ENTPD1: variants seen among roughly 807,000 people sequenced by gnomAD.
The protein encoded by ENTPD1 is ATP diphosphohydrolase.
Under a neutral mutation model 57.0 loss-of-function variants are expected in ENTPD1, and 33 were observed. The ratio of observed to expected loss-of-function variants is 0.58; its 90% CI spans 0.44 to 0.77. ENTPD1 has a LOEUF of 0.77. ENTPD1 is among the 30% of genes least tolerant of loss of function. The probability of loss-of-function intolerance (pLI) is 0.00; values close to 1 mark genes in which losing one functional copy is unlikely to be tolerated. For synonymous variants in ENTPD1, 202 were observed against 218.8 expected (o/e 0.92, Z 0.68); for missense variants, 501 against 603.4 (o/e 0.83, Z 1.78).
chr10:95,714,587 A>G (rs909113979), intron 1 of ENTPD1, among the ~76,000 whole-genome samples: 1 of 152,202 alleles, frequency 6.6e-6, no homozygotes, highest in Non-Finnish European at 1.5e-5. Context: ...ATTATGTTGA[A>G]AAATAGAATA....
chr10:95,806,220 T>A (rs2140383092), intron 1 of ENTPD1, among the ~76,000 whole-genome samples: 1 of 152,304 alleles, frequency 6.6e-6, no homozygotes, highest in South Asian at 2.1e-4. Context: ...AAACTTCTCT[T>A]CTCACTTTAT....
In ENTPD1 at chr10:95,874,604, T is replaced by G. The variant is rs1349032152; in HGVS notation, c.*8221T>G. Among the ~76,000 whole-genome samples, 2 of 152,210 alleles carry G rather than the reference T, an allele frequency of 1.3e-5. No individual in the cohort carries two copies. The highest frequency in any genetic ancestry group is 4.8e-5 in the African/African-American group (2 of 41,446). On this transcript the variant is annotated 3_prime_UTR_variant, in exon 10 of 10. Transcript: ENST00000371205. The stretch of plus-strand genomic sequence containing the variant: ...GGTCTACCGTTCTGGGACTGTGGCC[T>G]TCTTCTCACAGCTCCACTAGGCAGT...
At chr10:95,729,917 T>C (rs924434902) in intron 1 of ENTPD1, among the ~76,000 whole-genome samples, 2 of 152,354 alleles carry the variant, frequency 1.3e-5, no homozygotes, top group African/African-American at 4.8e-5. Context: ...AACTTAGTGA[T>C]ATCCCGATTC....
chr10:95,801,410 T>A (rs555454473), intron 1 of ENTPD1, among the ~76,000 whole-genome samples: 1 of 152,172 alleles, frequency 6.6e-6, no homozygotes, highest in Non-Finnish European at 1.5e-5. Flanking sequence ...TTCAGTCTTA[T>A]GCATATGTCT....
chr10:95,806,780 TC>T (rs1213520696), intron 1 of ENTPD1, among the ~76,000 whole-genome samples: 1 of 151,888 alleles, frequency 6.6e-6, no homozygotes, highest in Non-Finnish European at 1.5e-5. Context: ...TTGCTGGAGG[TC>T]CACTCCAGAC....
chr10:95,757,839 T>C (rs1022540442), intron 1 of ENTPD1, among the ~76,000 whole-genome samples: 7 of 151,564 alleles, frequency 4.6e-5, no homozygotes, highest in African/African-American at 1.5e-4. Flanking sequence ...ACCCTGTCTC[T>C]ACTAAAAATA....
At chr10:95,696,952 T>TAC in the ENTPD1 span, among the ~76,000 whole-genome samples, 1 of 152,180 alleles carries the variant, frequency 6.6e-6, no homozygotes, top group Non-Finnish European at 1.5e-5. Context: ...AAAACTTAGA[T>TAC]ACACACACAC....
chr10:95,868,274 G>A lies in ENTPD1; in HGVS notation c.*1891G>A, dbSNP rs2141017769. Reference sequence around the variant, plus strand: ...CAGGCTGTCTCCTCATAACTTCCAAGCATGCACTTAAAACTCCACATGAAT... The same window carrying A: ...CAGGCTGTCTCCTCATAACTTCCAAACATGCACTTAAAACTCCACATGAAT... On this transcript the variant is annotated 3_prime_UTR_variant, in exon 10 of 10. Transcript: ENST00000371205. The A allele has an allele frequency of 3.0e-6, 3 of 985,376 alleles. No homozygotes were observed. Among genetic ancestry groups the A allele is most frequent in the Middle Eastern group, 5.2e-4 (1 of 1,916 alleles). 61.0% of individuals were successfully genotyped at this position (985,376 alleles called of 1,614,324 possible).
At chr10:95,725,240 A>G (rs1169703483) in intron 1 of ENTPD1, among the ~76,000 whole-genome samples, 1 of 151,828 alleles carries the variant, frequency 6.6e-6, no homozygotes, top group Non-Finnish European at 1.5e-5. Flanking sequence ...GATATTTCCT[A>G]TTGCTGAATC....
At chr10:95,842,305 T>C in intron 3 of ENTPD1, 39 bp from the exon 4 acceptor site, 1 of 1,575,292 alleles carries the variant, frequency 6.3e-7, no homozygotes, top group Non-Finnish European at 8.7e-7. Flanking sequence ...TTTTATAATT[T>C]TTTTTTAAAA....
intron 1 of ENTPD1, among the ~76,000 whole-genome samples, chr10:95,721,341 G>A (rs1350426884): frequency 2.0e-5 from 3 of 152,172 alleles, no homozygotes; most frequent in Non-Finnish European, 4.4e-5. Context: ...CTGCCTGCTG[G>A]CCTGTGGGGA....
At chr10:95,817,872 A>C (rs1459806628) in intron 1 of ENTPD1, among the ~76,000 whole-genome samples, 1 of 152,196 alleles carries the variant, frequency 6.6e-6, no homozygotes, top group Non-Finnish European at 1.5e-5. Context: ...ACTTTGGGTT[A>C]TTGCTGTAGC....
At chr10:95,805,150 T>G (rs2098266882) in intron 1 of ENTPD1, among the ~76,000 whole-genome samples, 1 of 152,186 alleles carries the variant, frequency 6.6e-6, no homozygotes, top group East Asian at 1.9e-4. Context: ...CTCTAAGGAC[T>G]TGCTTTATGA....
At chr10:95,761,722 A>G (rs1372981935) in intron 1 of ENTPD1, among the ~76,000 whole-genome samples, 1 of 152,208 alleles carries the variant, frequency 6.6e-6, no homozygotes, top group Non-Finnish European at 1.5e-5. Flanking sequence ...GATTTCCTGC[A>G]TGTCTCCACC....
intron 1 of ENTPD1, among the ~76,000 whole-genome samples, chr10:95,776,186 G>A (rs1224636069): frequency 2.0e-5 from 3 of 152,162 alleles, no homozygotes; most frequent in Non-Finnish European, 4.4e-5. Context: ...TCATTATGAT[G>A]TTAGCTGGTT....
chr10:95,764,718 A>ATTTT (rs34082135), intron 1 of ENTPD1, among the ~76,000 whole-genome samples: 3 of 103,546 alleles, frequency 2.9e-5, no homozygotes, highest in Non-Finnish European at 5.5e-5. Context: ...TCCTTTGCCC[A>ATTTT]TTTTTTTTTT....
Position 95,870,562 on chromosome 10 carries a change from A to G in ENTPD1, c.*4179A>G. ...CCAAAGTGTTGAGATTACAGGCGTA[A>G]GCCACTGCACCTGGCCAAGATGAAT... is the stretch of plus-strand genomic sequence containing the variant. On this transcript the variant is annotated 3_prime_UTR_variant, in exon 10 of 10. Transcript: ENST00000371205. 1 of 985,434 alleles carries G rather than the reference A, an allele frequency of 1.0e-6. No homozygotes were observed. Among genetic ancestry groups the G allele is most frequent in the Non-Finnish European group, 1.2e-6 (1 of 829,904 alleles). 61.0% of individuals were successfully genotyped at this position (985,434 alleles called of 1,614,324 possible). A position where few individuals can be genotyped will look rare whatever the true frequency, so the allele number is the denominator to read the frequency against.
intron 1 of ENTPD1, 37 bp from the exon 2 acceptor site, chr10:95,823,200 T>G (rs781360486): frequency 1.9e-6 from 3 of 1,612,878 alleles, no homozygotes; most frequent in Non-Finnish European, 2.5e-6. Flanking sequence ...GTTTTTGATT[T>G]CTTGTTGGTA....
intron 1 of ENTPD1, among the ~76,000 whole-genome samples, chr10:95,796,830 A>G (rs932959201): frequency 3.9e-5 from 6 of 152,052 alleles, no homozygotes; most frequent in African/African-American, 1.4e-4. Context: ...GGTAATCCCA[A>G]TTATTTGGGA....
Sources: gnomAD v4.1 joint callset for allele counts (sites outside exome capture counted in the v4.1 genomes callset) on GRCh38, gnomAD v4.1.1 for gene constraint, MANE v1.5 for transcripts, NCBI Gene and HGNC (gene_info 2026-07-23, HGNC 2026-07-21) for gene names.